LRCH1: variants seen among roughly 807,000 people sequenced by gnomAD.
LRCH1 encodes the protein leucine rich repeats and calponin homology domain containing 1.
In LRCH1, 23 loss-of-function variants were observed where a neutral mutation model predicts 94.9. The observed-to-expected ratio is 0.24, with a 90% confidence interval of 0.17 to 0.34. LRCH1 has a LOEUF of 0.34. Ranked by LOEUF, LRCH1 falls within the 10% of genes least tolerant of loss-of-function variation. The pLI, the probability that LRCH1 is intolerant of heterozygous loss-of-function variation, is 1.00. For synonymous variants in LRCH1, 364 were observed against 354.9 expected (o/e 1.03, Z -0.29); for missense variants, 790 against 945.9 (o/e 0.84, Z 2.16).
intron 4 of LRCH1, among the ~76,000 whole-genome samples, chr13:46,683,467 A>T (rs1464519559): frequency 3.3e-5 from 5 of 152,212 alleles, no homozygotes; most frequent in African/African-American, 4.8e-5. Context: ...TTTTGGATAT[A>T]CAAAACTTGT....
intron 9 of LRCH1, among the ~76,000 whole-genome samples, chr13:46,697,896 A>G (rs1231006909): frequency 1.3e-5 from 2 of 152,236 alleles, no homozygotes; most frequent in Non-Finnish European, 2.9e-5. Flanking sequence ...GACATTTTAT[A>G]CTATTGGCTA....
At position 46,605,346 on chromosome 13, in the gene LRCH1, T is replaced by C. The variant is rs1182564099; in HGVS notation, c.308-44855T>C. 3.9e-5 allele frequency among the ~76,000 whole-genome samples: 6 copies of C among 152,342 alleles called. No homozygotes were observed. In the East Asian group the frequency reaches 1.2e-3, roughly 29 times the overall value. On this transcript the variant is annotated intron_variant, in intron 1 of 19. Transcript: ENST00000389797. ...GAACAATAATGTGTTCTTTCCATGC[T>C]ACTTTATATATTTATTTTACAGAAG...
chr13:46,707,183 C>T (rs551340592), intron 13 of LRCH1, among the ~76,000 whole-genome samples: 58 of 152,212 alleles, frequency 3.8e-4, no homozygotes, highest in African/African-American at 1.3e-3. Flanking sequence ...TATCTATAAC[C>T]TTCTTTTATC....
intron 3 of LRCH1, among the ~76,000 whole-genome samples, chr13:46,680,847 C>A (rs549984902): frequency 5.7e-4 from 87 of 152,308 alleles, no homozygotes; most frequent in Non-Finnish European, 8.8e-4. Flanking sequence ...GTGAAGGATG[C>A]ATCCAAGGCG....
intron 13 of LRCH1, among the ~76,000 whole-genome samples, chr13:46,708,998 G>A (rs1871920661): frequency 6.6e-6 from 1 of 152,150 alleles, no homozygotes; most frequent in African/African-American, 2.4e-5. Flanking sequence ...AGATGATGAG[G>A]ATTAGGCTTT....
At chr13:46,619,984 A>T (rs2050862112) in intron 1 of LRCH1, among the ~76,000 whole-genome samples, 1 of 152,212 alleles carries the variant, frequency 6.6e-6, no homozygotes, top group Admixed American at 6.5e-5. Context: ...GGGTATGTTT[A>T]ATTTCCTTTT....
At chr13:46,725,328 A>G (rs780013874) in intron 17 of LRCH1, among the ~76,000 whole-genome samples, 3 of 152,246 alleles carry the variant, frequency 2.0e-5, no homozygotes, top group Non-Finnish European at 4.4e-5. Flanking sequence ...ACAAACCTGT[A>G]CATGTACCCC....
intron 3 of LRCH1, among the ~76,000 whole-genome samples, chr13:46,678,482 A>G (rs1392660330): frequency 6.6e-6 from 1 of 152,150 alleles, no homozygotes; most frequent in Non-Finnish European, 1.5e-5. Context: ...TCCCCCCATT[A>G]TTTGTCAGGA....
intron 4 of LRCH1, 37 bp from the exon 5 acceptor site, chr13:46,685,868 T>G: frequency 7.0e-7 from 1 of 1,420,006 alleles, no homozygotes; most frequent in Non-Finnish European, 9.4e-7. Flanking sequence ...ATTTCTAAGG[T>G]TTTTTCTTTC....
intron 2 of LRCH1, among the ~76,000 whole-genome samples, chr13:46,652,301 C>T (rs1231560364): frequency 1.3e-5 from 2 of 151,938 alleles, no homozygotes; most frequent in Admixed American, 1.3e-4. Flanking sequence ...TGGTCTCGAT[C>T]TCCTGACCTC....
chr13:46,749,871 T>G (rs1874055927), downstream of LRCH1, among the ~76,000 whole-genome samples: 2 of 152,198 alleles, frequency 1.3e-5, no homozygotes, highest in Admixed American at 6.5e-5. Context: ...ACGCTTACTG[T>G]TTTTCTTAAA....
chr13:46,596,713 C>T (rs891414803), intron 1 of LRCH1, among the ~76,000 whole-genome samples: 1 of 152,126 alleles, frequency 6.6e-6, no homozygotes, highest in Non-Finnish European at 1.5e-5. Context: ...GAAATCCCGT[C>T]ATGGGTAGAG....
At chr13:46,720,086 A>T (rs9534476) in intron 16 of LRCH1, among the ~76,000 whole-genome samples, 1 of 151,580 alleles carries the variant, frequency 6.6e-6, no homozygotes, top group Non-Finnish European at 1.5e-5. Flanking sequence ...TTTTTCCTTC[A>T]TCTTAAATTG....
intron 1 of LRCH1, among the ~76,000 whole-genome samples, chr13:46,569,623 C>T (rs937057366): frequency 6.6e-6 from 1 of 152,088 alleles, no homozygotes; most frequent in Non-Finnish European, 1.5e-5. Context: ...CCTGCTTGCC[C>T]ACCGAGGCTC....
chr13:46,725,833 G>A (rs1056141811), intron 17 of LRCH1, among the ~76,000 whole-genome samples: 2 of 152,308 alleles, frequency 1.3e-5, no homozygotes, highest in East Asian at 3.9e-4. Context: ...AACTGGGAAG[G>A]TGAACTTTAT....
intron 17 of LRCH1, 84 bp downstream of exon 17, chr13:46,723,414 C>A: frequency 1.9e-6 from 2 of 1,047,004 alleles, no homozygotes; most frequent in Non-Finnish European, 2.9e-6. Flanking sequence ...ACATTGCAAG[C>A]AGTCCTAATT....
chr13:46,698,880 C>T (rs780712001), intron 9 of LRCH1, among the ~76,000 whole-genome samples: 8 of 152,158 alleles, frequency 5.3e-5, no homozygotes, highest in African/African-American at 1.2e-4. Context: ...ACTACATTTA[C>T]GTTGTGCAGC....
At chr13:46,745,600 G>A (rs1873878377), downstream of LRCH1, among the ~76,000 whole-genome samples, 1 of 152,086 alleles carries the variant, frequency 6.6e-6, no homozygotes. Flanking sequence ...AATCCAGGGA[G>A]GAGCAACAAG....
At chr13:46,663,863 T>C (rs2138106120) in intron 2 of LRCH1, among the ~76,000 whole-genome samples, 1 of 152,340 alleles carries the variant, frequency 6.6e-6, no homozygotes, top group South Asian at 2.1e-4. Context: ...CAGGCCTGTG[T>C]CATTTCCTTA....
Sources: gnomAD v4.1 joint callset for allele counts (sites outside exome capture counted in the v4.1 genomes callset) on GRCh38, gnomAD v4.1.1 for gene constraint, MANE v1.5 for transcripts, NCBI Gene and HGNC (gene_info 2026-07-23, HGNC 2026-07-21) for gene names.